The following ATP8A2 variants were observed in gnomAD, a reference collection of about 807,000 sequenced individuals.
The protein encoded by ATP8A2 is ATPase phospholipid transporting 8A2.
A neutral mutation model predicts 165.6 loss-of-function variants in ATP8A2; 100 were observed. That is an observed-to-expected ratio of 0.60 (90% CI 0.51 to 0.71). The LOEUF is 0.71. ATP8A2 is among the 30% of genes least tolerant of loss of function. ATP8A2 has a pLI of 0.00. For missense variants in ATP8A2, 1,227 were observed against 1,479.5 expected, an observed-to-expected ratio of 0.83 and a Z score of 2.80; for synonymous variants, 543 against 548.8, an observed-to-expected ratio of 0.99 and a Z score of 0.15.
intron 29 of ATP8A2, among the ~76,000 whole-genome samples, chr13:25,838,387 C>G (rs1951673929): frequency 6.6e-6 from 1 of 152,184 alleles, no homozygotes; most frequent in Non-Finnish European, 1.5e-5. Flanking sequence ...ACCCGAGGGA[C>G]TCATTTTACC....
intron 24 of ATP8A2, among the ~76,000 whole-genome samples, chr13:25,627,235 T>A (rs2041124457): frequency 6.6e-6 from 1 of 151,974 alleles, no homozygotes; most frequent in African/African-American, 2.4e-5. Flanking sequence ...TAGGAGGTGG[T>A]GTGGCAGAGC....
rs556346585 is a variant in ATP8A2 at position 25,765,201 on chromosome 13, A to G, written c.2385-3845A>G. Among the ~76,000 whole-genome samples the G allele has an allele frequency of 2.0e-3, 305 of 152,346 alleles. 2 individuals are homozygous for G. Among genetic ancestry groups the G allele is most frequent in the African/African-American group, 7.1e-3 (297 of 41,580 alleles). On this transcript the variant is annotated intron_variant, in intron 25 of 36. Coordinates refer to ENST00000381655, the MANE Select transcript of ATP8A2 (RefSeq NM_016529.6). ...ATTTTAGAATCTATTATGTTATCCA[A>G]AAAAGCAGATAGAATACTTCTCCAG...
chr13:25,417,219 T>C (rs76977440), intron 1 of ATP8A2, among the ~76,000 whole-genome samples: 6,114 of 152,276 alleles, frequency 0.04, 220 homozygotes, highest in African/African-American at 0.11. Flanking sequence ...TTTCCCCCAG[T>C]TTAGGCTGAG....
chr13:25,581,560 G>C (rs2039778007), intron 22 of ATP8A2, among the ~76,000 whole-genome samples: 1 of 152,190 alleles, frequency 6.6e-6, no homozygotes, highest in African/African-American at 2.4e-5. Flanking sequence ...TCTGCTGCCA[G>C]ATGGCTTCTA....
At chr13:26,009,344 C>G (rs1956798528) in intron 35 of ATP8A2, among the ~76,000 whole-genome samples, 1 of 152,162 alleles carries the variant, frequency 6.6e-6, no homozygotes, top group Non-Finnish European at 1.5e-5. Flanking sequence ...CAGAGTAAGG[C>G]AGCGTGGGAA....
At chr13:25,857,840 G>A (rs1185165011) in intron 30 of ATP8A2, among the ~76,000 whole-genome samples, 4 of 151,884 alleles carry the variant, frequency 2.6e-5, no homozygotes, top group African/African-American at 9.7e-5. Flanking sequence ...CAAAGTGCTG[G>A]GATTACAGGT....
chr13:25,525,217 T>G (rs919322613), intron 2 of ATP8A2, among the ~76,000 whole-genome samples: 1 of 152,120 alleles, frequency 6.6e-6, no homozygotes, highest in Non-Finnish European at 1.5e-5. Context: ...CATATTGATT[T>G]TTTTGTTACC....
chr13:26,015,421 A>C (rs1300197380), intron 36 of ATP8A2, among the ~76,000 whole-genome samples: 1 of 152,128 alleles, frequency 6.6e-6, no homozygotes, highest in Admixed American at 6.5e-5. Context: ...AACATACAAT[A>C]TTTGTAATCA....
intron 25 of ATP8A2, among the ~76,000 whole-genome samples, chr13:25,745,931 CA>C (rs530362770): frequency 5.3e-4 from 81 of 152,286 alleles, no homozygotes; most frequent in Non-Finnish European, 1.0e-3. Context: ...AATGTGACAG[CA>C]TGCTAGGCAG....
At chr13:25,391,781 A>G (rs1007545728) in intron 1 of ATP8A2, among the ~76,000 whole-genome samples, 3 of 152,252 alleles carry the variant, frequency 2.0e-5, no homozygotes, top group African/African-American at 4.8e-5. Context: ...GAGGCCGTAC[A>G]GAAGGAAGGC....
intron 24 of ATP8A2, among the ~76,000 whole-genome samples, chr13:25,628,193 A>G (rs2041151274): frequency 6.6e-6 from 1 of 152,152 alleles, no homozygotes; most frequent in Non-Finnish European, 1.5e-5. Flanking sequence ...TCTGCCTCTA[A>G]CCATCTTTAT....
intron 2 of ATP8A2, among the ~76,000 whole-genome samples, chr13:25,496,001 A>G (rs1195382733): frequency 1.3e-5 from 2 of 152,148 alleles, no homozygotes; most frequent in Non-Finnish European, 2.9e-5. Context: ...ACCAGGGCTC[A>G]TGCACATTCA....
At chr13:25,803,826 C>G (rs181674855) in intron 27 of ATP8A2, among the ~76,000 whole-genome samples, 1 of 152,198 alleles carries the variant, frequency 6.6e-6, no homozygotes, top group African/African-American at 2.4e-5. Context: ...CTATGGTTTT[C>G]GGAATCACAG....
chr13:25,464,833 G>C (rs112989147), intron 1 of ATP8A2, among the ~76,000 whole-genome samples: 2,970 of 152,258 alleles, frequency 0.02, 101 homozygotes, highest in African/African-American at 0.068. Context: ...TATTCTTTCA[G>C]ACTGTCTACT....
chr13:25,555,013 G>C lies in ATP8A2; in HGVS notation c.1208G>C (p.Gly403Ala). ...CAGGACACAGATATGTATTATATAG[G>C]AAATGACACTCCTGCCATGGCCAGG... ...INWDTDMYYI[G>A]NDTPAMARTS... Residue 403 changes from glycine (G) to alanine (A), a missense_variant, in exon 13 of 37, where the codon GGA becomes GCA. Physicochemically the swap from Gly to Ala is moderately conservative, Grantham distance 60. Coordinates refer to ENST00000381655, the MANE Select transcript of ATP8A2 (RefSeq NM_016529.6). The C allele has an allele frequency of 6.2e-7, 1 of 1,611,078 alleles. No individual in the cohort carries two copies. Among genetic ancestry groups the C allele is most frequent in the Non-Finnish European group, 8.5e-7 (1 of 1,177,646 alleles).
intron 1 of ATP8A2, among the ~76,000 whole-genome samples, chr13:25,465,674 T>C (rs142627836): frequency 0.19 from 2,249 of 11,714 alleles, 41 homozygotes; most frequent in South Asian, 0.31. Context: ...TTTCTTTCTT[T>C]CTTTCTTTCT....
chr13:25,728,992 C>T (rs934174662), intron 25 of ATP8A2, among the ~76,000 whole-genome samples: 6 of 152,078 alleles, frequency 3.9e-5, no homozygotes, highest in African/African-American at 1.4e-4. Context: ...GGAGATTTTC[C>T]TCTTGCATTC....
At chr13:25,477,020 C>G (rs1593367003) in intron 2 of ATP8A2, among the ~76,000 whole-genome samples, 2 of 152,144 alleles carry the variant, frequency 1.3e-5, no homozygotes, top group Non-Finnish European at 2.9e-5. Context: ...AATGTGTGAG[C>G]TTTCTTGAAG....
intron 9 of ATP8A2, 32 bp from the exon 10 acceptor site, chr13:25,543,259 C>A: frequency 1.5e-6 from 2 of 1,341,190 alleles, no homozygotes; most frequent in South Asian, 1.2e-5. Flanking sequence ...TCCAGACTAT[C>A]ATTAAATATC....
Sources: allele counts gnomAD v4.1 joint callset (sites outside exome capture counted in the v4.1 genomes callset), GRCh38; gene constraint gnomAD v4.1.1; transcripts MANE v1.5; gene names NCBI Gene and HGNC (gene_info 2026-07-23, HGNC 2026-07-21).